The following FRMD5 variants were observed in gnomAD, a reference collection of about 807,000 sequenced individuals.
FRMD5 encodes the protein FERM domain containing 5.
FRMD5 carries 20 observed loss-of-function variants against 69.0 expected under a neutral mutation model. The observed-to-expected ratio is 0.29, with a 90% CI of 0.20 to 0.42. The LOEUF is 0.42. FRMD5 is among the 10% of genes least tolerant of loss of function. The probability of loss-of-function intolerance (pLI) is 1.00; values close to 1 mark genes in which losing one functional copy is unlikely to be tolerated. For missense variants in FRMD5, 595 were observed against 708.6 expected, an observed-to-expected ratio of 0.84 and a Z score of 1.82; for synonymous variants, 271 against 260.1, an observed-to-expected ratio of 1.04 and a Z score of -0.40.
chr15:44,073,240 T>G (rs1011204818), intron 1 of FRMD5, among the ~76,000 whole-genome samples: 2 of 152,214 alleles, frequency 1.3e-5, no homozygotes, highest in African/African-American at 4.8e-5. Context: ...TTTATTTGCC[T>G]GTTCCAGAGT....
intron 1 of FRMD5, among the ~76,000 whole-genome samples, chr15:44,151,680 C>A (rs2077449499): frequency 6.6e-6 from 1 of 152,000 alleles, no homozygotes; most frequent in Non-Finnish European, 1.5e-5. Context: ...AGCTTCACAA[C>A]ACTGGATTTG....
At chr15:44,054,502 T>C (rs937358963) in intron 1 of FRMD5, among the ~76,000 whole-genome samples, 1 of 152,190 alleles carries the variant, frequency 6.6e-6, no homozygotes, top group Non-Finnish European at 1.5e-5. Context: ...AAACATCTAA[T>C]ACAAAGAATG....
chr15:44,004,575 T>A (rs889442254), intron 1 of FRMD5, among the ~76,000 whole-genome samples: 2 of 152,222 alleles, frequency 1.3e-5, no homozygotes, highest in African/African-American at 4.8e-5. Flanking sequence ...TGGGGCACCA[T>A]AAGCCATGCC....
chr15:44,153,038 C>G (rs1204590503), intron 1 of FRMD5, among the ~76,000 whole-genome samples: 1 of 152,060 alleles, frequency 6.6e-6, no homozygotes, highest in Non-Finnish European at 1.5e-5. Flanking sequence ...CATTAAGATG[C>G]CTATCATCAA....
chr15:44,023,688 A>C (rs1329935125), intron 1 of FRMD5, among the ~76,000 whole-genome samples: 2 of 152,206 alleles, frequency 1.3e-5, no homozygotes, highest in Non-Finnish European at 2.9e-5. Flanking sequence ...TCTAAAAACA[A>C]AATTACAAGA....
At chr15:43,908,001 G>A (rs555668725) in intron 5 of FRMD5, among the ~76,000 whole-genome samples, 2 of 152,260 alleles carry the variant, frequency 1.3e-5, no homozygotes, top group African/African-American at 2.4e-5. Flanking sequence ...AATGTTGGAC[G>A]TCAAGTACTT....
chr15:44,182,496 A>AT (rs1054408161), intron 1 of FRMD5, among the ~76,000 whole-genome samples: 13 of 149,744 alleles, frequency 8.7e-5, no homozygotes, highest in Non-Finnish European at 1.3e-4. Context: ...TGCTTGGCTA[A>AT]TTTTTTGTAT....
At chr15:44,046,402 C>T (rs1005744574) in intron 1 of FRMD5, among the ~76,000 whole-genome samples, 9 of 152,162 alleles carry the variant, frequency 5.9e-5, no homozygotes, top group Non-Finnish European at 1.0e-4. Flanking sequence ...GCATTATGCG[C>T]TTTATTGCAC....
At chr15:44,092,173 T>C (rs1295628043) in intron 1 of FRMD5, among the ~76,000 whole-genome samples, 8 of 152,212 alleles carry the variant, frequency 5.3e-5, no homozygotes, top group South Asian at 2.1e-4. Flanking sequence ...AGTCCCTTGA[T>C]TGAAAGGGTC....
intron 1 of FRMD5, among the ~76,000 whole-genome samples, chr15:44,188,843 C>G (rs948183577): frequency 6.6e-6 from 1 of 151,994 alleles, no homozygotes. Flanking sequence ...CTTTAACACA[C>G]AGGAATGAGT....
intron 13 of FRMD5, among the ~76,000 whole-genome samples, chr15:43,878,548 A>G (rs940915591): frequency 6.6e-6 from 1 of 152,180 alleles, no homozygotes; most frequent in African/African-American, 2.4e-5. Flanking sequence ...CCCCATTTGC[A>G]CATGCAGCTT....
chr15:43,926,470 T>TA (rs2089587831), intron 1 of FRMD5, among the ~76,000 whole-genome samples: 1 of 152,136 alleles, frequency 6.6e-6, no homozygotes, highest in Admixed American at 6.5e-5. Context: ...AGGCCATGGG[T>TA]AATTACAGAA....
In FRMD5 at chr15:43,879,564, C is replaced by T. The variant is rs76347786; in HGVS notation, c.1135+4139G>A. ...AGCAGTCAGGACCCTACCCTGGAGC[C>T]GGGGCCCCATCCTCAGGATGCGCAC... On this transcript the variant is annotated intron_variant, in intron 13 of 13. Transcript: ENST00000417257. 3.1e-3 allele frequency: 1,228 copies of T among 399,012 alleles called. 16 individuals are homozygous for T. The highest frequency in any genetic ancestry group is 0.022 in the African/African-American group (1,093 of 48,708). 24.7% of individuals were successfully genotyped at this position (399,012 alleles called of 1,614,324 possible).
chr15:44,142,507 G>A (rs1430510412), intron 1 of FRMD5, among the ~76,000 whole-genome samples: 3 of 152,102 alleles, frequency 2.0e-5, no homozygotes, highest in Non-Finnish European at 1.5e-5. Context: ...CCAAATTATA[G>A]AGACTCCACA....
At chr15:44,149,382 T>C (rs1267452134) in intron 1 of FRMD5, among the ~76,000 whole-genome samples, 3 of 151,944 alleles carry the variant, frequency 2.0e-5, no homozygotes, top group Non-Finnish European at 4.4e-5. Flanking sequence ...ATAATATATA[T>C]AGAAAACAAA....
intron 1 of FRMD5, among the ~76,000 whole-genome samples, chr15:44,048,290 G>T (rs1456132371): frequency 2.0e-5 from 3 of 151,986 alleles, no homozygotes; most frequent in East Asian, 1.9e-4. Context: ...CTGTCGTTTT[G>T]ATTTTAATTT....
At chr15:44,104,520 G>C (rs1441004525) in intron 1 of FRMD5, among the ~76,000 whole-genome samples, 1 of 152,174 alleles carries the variant, frequency 6.6e-6, no homozygotes, top group Non-Finnish European at 1.5e-5. Flanking sequence ...CATGGTAAGT[G>C]TCCCATATAG....
chr15:44,183,509 G>A (rs966017847), intron 1 of FRMD5, among the ~76,000 whole-genome samples: 7 of 152,312 alleles, frequency 4.6e-5, no homozygotes, highest in South Asian at 2.1e-4. Flanking sequence ...TTAGTGGCCC[G>A]TCCAGCAGAG....
At chr15:44,139,428 AT>A (rs1050449116) in intron 1 of FRMD5, among the ~76,000 whole-genome samples, 1 of 151,958 alleles carries the variant, frequency 6.6e-6, no homozygotes, top group Non-Finnish European at 1.5e-5. Flanking sequence ...CACAAAAATA[AT>A]TTTTTAATCC....
Sources: allele counts gnomAD v4.1 joint callset (sites outside exome capture counted in the v4.1 genomes callset), GRCh38; gene constraint gnomAD v4.1.1; transcripts MANE v1.5; gene names NCBI Gene and HGNC (gene_info 2026-07-23, HGNC 2026-07-21).